The following PDCD6IP variants were observed in gnomAD, a reference collection of about 807,000 sequenced individuals.
PDCD6IP encodes programmed cell death 6 interacting protein.
In PDCD6IP, 43 loss-of-function variants were observed where a neutral mutation model predicts 103.7. That is an observed-to-expected ratio of 0.41 (90% CI 0.32 to 0.53). PDCD6IP has a LOEUF of 0.53. Among genes scored for constraint, PDCD6IP ranks in the 20% least tolerant of loss-of-function variants. The pLI is 0.16. For missense variants in PDCD6IP, 871 were observed against 1,036.7 expected, an observed-to-expected ratio of 0.84 and a Z score of 2.20; for synonymous variants, 354 against 378.7, an observed-to-expected ratio of 0.93 and a Z score of 0.76.
At position 33,864,128 on chromosome 3, in the gene PDCD6IP, C is replaced by G. The variant is rs191378492; in HGVS notation, c.2243C>G (p.Pro748Arg). 2.4e-5 allele frequency: 36 copies of G among 1,503,148 alleles called. No homozygotes were observed. The Admixed American group carries it at 5.9e-4, about 25-fold the overall frequency. 93.1% of individuals were successfully genotyped at this position (1,503,148 alleles called of 1,614,324 possible). The stretch of plus-strand genomic sequence containing the variant: ...CCAACTCCAGCGCCAAGAACCATGC[C>G]GGTTAGTAGGCAAATAAATATTTTA... The part of the protein sequence containing the change: ...TPPTPAPRTM[P>R]PTKPQPPARP... Residue 748 changes from proline to arginine, a missense_variant and splice_region_variant, in exon 16 of 18, where the codon CCG (proline) becomes CGG (arginine). Pro to Arg is a moderately radical substitution (Grantham distance 103). Around this residue, in one of 5 missense-constraint regions of PDCD6IP, gnomAD observed 202 missense variants for 205.2 expected, o/e 0.98. Transcript: ENST00000307296.
intron 4 of PDCD6IP, 103 bp downstream of exon 4, chr3:33,822,185 T>C (rs781591727): frequency 1.6e-5 from 20 of 1,222,152 alleles, no homozygotes; most frequent in Non-Finnish European, 2.2e-5. Context: ...GCAACAGATG[T>C]TTTCTAAAAC....
Position 33,800,119 on chromosome 3 carries a change from C to CAAAAAAAAAA in PDCD6IP, c.209+1199_209+1208dup, listed in dbSNP as rs1173163869. 9.6e-4 allele frequency among the ~76,000 whole-genome samples: 49 copies of CAAAAAAAAAA among 50,870 alleles called. 1 individual carries two copies. Among genetic ancestry groups the CAAAAAAAAAA allele is most frequent in the African/African-American group, 1.8e-3 (24 of 13,490 alleles). 33.4% of individuals were successfully genotyped at this position (50,870 alleles called of 152,430 possible). A position where few individuals can be genotyped will look rare whatever the true frequency, so the allele number is the denominator to read the frequency against. On this transcript the variant is annotated intron_variant, in intron 1 of 17. Coordinates refer to ENST00000307296, the MANE Select transcript of PDCD6IP (RefSeq NM_013374.6). ...TGGGCGACAGAGTGAGACTCCATCT[C>CAAAAAAAAAA]AAAAAAAAAAAAAAAAAAAAAAAAA...
chr3:33,813,806 T>G (rs377044540), intron 3 of PDCD6IP, among the ~76,000 whole-genome samples, 178 bp downstream of exon 3: 3 of 152,252 alleles, frequency 2.0e-5, no homozygotes, highest in Admixed American at 6.5e-5. Context: ...AGCCCATGCC[T>G]TGCCAGGCAC....
chr3:33,840,452 T>C (rs1183444495), intron 9 of PDCD6IP, among the ~76,000 whole-genome samples: 1 of 152,216 alleles, frequency 6.6e-6, no homozygotes, highest in Non-Finnish European at 1.5e-5. Flanking sequence ...CCAACTGTAT[T>C]TCTCTTGTAG....
intron 12 of PDCD6IP, among the ~76,000 whole-genome samples, chr3:33,848,832 G>A (rs920936396): frequency 6.6e-6 from 1 of 152,096 alleles, no homozygotes; most frequent in Admixed American, 6.5e-5. Flanking sequence ...CTCTTTGTAT[G>A]TTCTGTGAGC....
intron 7 of PDCD6IP, 63 bp from the exon 8 acceptor site, chr3:33,835,981 G>C (rs1697337451): frequency 1.1e-6 from 1 of 931,070 alleles, no homozygotes; most frequent in African/African-American, 1.7e-5. Flanking sequence ...ATACTTGGTG[G>C]GGAAAGAGAA....
chr3:33,857,576 T>C (rs1697857041), intron 15 of PDCD6IP, among the ~76,000 whole-genome samples: 1 of 152,132 alleles, frequency 6.6e-6, no homozygotes, highest in South Asian at 2.1e-4. Flanking sequence ...CTAAATAAAG[T>C]ATTTGCCAGT....
At chr3:33,830,046 C>T (rs1163142721) in intron 7 of PDCD6IP, among the ~76,000 whole-genome samples, 1 of 152,160 alleles carries the variant, frequency 6.6e-6, no homozygotes, top group Non-Finnish European at 1.5e-5. Context: ...GACCTAATCA[C>T]CTCTTATTAT....
At chr3:33,862,957 A>C (rs1559799972) in intron 15 of PDCD6IP, among the ~76,000 whole-genome samples, 1 of 152,184 alleles carries the variant, frequency 6.6e-6, no homozygotes, top group Non-Finnish European at 1.5e-5. Flanking sequence ...TTTTTCCCCC[A>C]GTCTTCAGAA....
In PDCD6IP at chr3:33,820,125, G is replaced by T. The variant is rs116715944; in HGVS notation, c.335-1830G>T. On this transcript the variant is annotated intron_variant, in intron 3 of 17. Coordinates refer to ENST00000307296, the MANE Select transcript of PDCD6IP (RefSeq NM_013374.6). Reference sequence around the variant, plus strand: ...ATAGTGAGTCCCTGTCTCTACAAAAGATACAAAAATTAGCCGGGTATGGTG... The same window carrying T: ...ATAGTGAGTCCCTGTCTCTACAAAATATACAAAAATTAGCCGGGTATGGTG... 8.9e-3 allele frequency among the ~76,000 whole-genome samples: 1,351 copies of T among 152,132 alleles called. 12 individuals carry two copies. The highest frequency in any genetic ancestry group is 8.8e-3 in the Non-Finnish European group (595 of 67,980).
chr3:33,866,334 C>G lies in PDCD6IP; in HGVS notation c.2433-17C>G. On this transcript the variant is annotated splice_polypyrimidine_tract_variant and intron_variant, in intron 17 of 17. Transcript: ENST00000307296. The stretch of plus-strand genomic sequence containing the variant: ...ATTTGATTTACCAATCAAGATTTTT[C>G]TGTTTTCTTCTATCAGGTATTGCCA... The G allele has an allele frequency of 7.0e-7, 1 of 1,420,800 alleles. No individual in the cohort carries two copies. The highest frequency in any genetic ancestry group is 9.3e-7 in the Non-Finnish European group (1 of 1,071,260). 88.0% of individuals were successfully genotyped at this position (1,420,800 alleles called of 1,614,324 possible).
intron 15 of PDCD6IP, among the ~76,000 whole-genome samples, chr3:33,860,301 G>A (rs1471944907): frequency 6.6e-6 from 1 of 152,110 alleles, no homozygotes; most frequent in Non-Finnish European, 1.5e-5. Context: ...GGAAAAGTAG[G>A]CCATATAATA....
chr3:33,828,004 G>A (rs1697167003), intron 6 of PDCD6IP: 1 of 152,110 alleles, frequency 6.6e-6, no homozygotes. Context: ...TGTTTAGATA[G>A]TGATTGTCTA....
At chr3:33,865,834 A>G (rs1473171260) in intron 17 of PDCD6IP, among the ~76,000 whole-genome samples, 3 of 152,196 alleles carry the variant, frequency 2.0e-5, no homozygotes, top group African/African-American at 7.2e-5. Flanking sequence ...TTATCTAATT[A>G]TGGGTTGCAC....
At chr3:33,864,181 A>G in intron 16 of PDCD6IP, 52 bp downstream of exon 16, 3 of 1,047,740 alleles carry the variant, frequency 2.9e-6, no homozygotes, top group Middle Eastern at 2.0e-4. Flanking sequence ...AACGATGATT[A>G]CTTGTTCTAA....
At chr3:33,848,872 A>C (rs1697654465) in intron 12 of PDCD6IP, among the ~76,000 whole-genome samples, 1 of 152,228 alleles carries the variant, frequency 6.6e-6, no homozygotes, top group Non-Finnish European at 1.5e-5. Context: ...TTTAAAATGT[A>C]AAACTCTACT....
intron 1 of PDCD6IP, among the ~76,000 whole-genome samples, chr3:33,800,795 T>C (rs1559767951): frequency 1.3e-5 from 2 of 152,194 alleles, no homozygotes; most frequent in African/African-American, 2.4e-5. Context: ...GTTGAATATA[T>C]CAAATTTGGT....
At chr3:33,820,082 A>G (rs550372137) in intron 3 of PDCD6IP, among the ~76,000 whole-genome samples, 1 of 152,276 alleles carries the variant, frequency 6.6e-6, no homozygotes, top group South Asian at 2.1e-4. Context: ...CAACGAGTTC[A>G]AGACCAGCCT....
intron 9 of PDCD6IP, among the ~76,000 whole-genome samples, chr3:33,840,348 G>A (rs929700524): frequency 4.6e-5 from 7 of 152,314 alleles, no homozygotes; most frequent in African/African-American, 1.7e-4. Context: ...CGGAAGGAGG[G>A]TTGGTCTTGC....
Sources: allele counts gnomAD v4.1 joint callset (sites outside exome capture counted in the v4.1 genomes callset), GRCh38; gene constraint gnomAD v4.1.1; regional missense constraint gnomAD v4.1.1; transcripts MANE v1.5; gene names NCBI Gene and HGNC (gene_info 2026-07-23, HGNC 2026-07-21).